The following ENOX1 variants were observed in gnomAD, a reference collection of about 807,000 sequenced individuals.
ENOX1 encodes ecto-NOX disulfide-thiol exchanger 1.
ENOX1 carries 42 observed loss-of-function variants against 82.5 expected under a neutral mutation model. The observed-to-expected ratio is 0.51, with a 90% CI of 0.40 to 0.66. ENOX1 has a LOEUF of 0.66. ENOX1 is among the 30% of genes least tolerant of loss of function. The pLI is 0.00. For missense variants in ENOX1, 608 were observed against 811.6 expected (o/e 0.75, Z 3.05); for synonymous variants, 271 against 282.2 (o/e 0.96, Z 0.40).
At chr13:43,442,452 G>C (rs1242641040) in intron 3 of ENOX1, among the ~76,000 whole-genome samples, 1 of 152,136 alleles carries the variant, frequency 6.6e-6, no homozygotes, top group Non-Finnish European at 1.5e-5. Context: ...CTGGGAGATA[G>C]GGCAAGAGGC....
At chr13:43,766,178 A>G (rs1234008884) in intron 1 of ENOX1, among the ~76,000 whole-genome samples, 1 of 152,178 alleles carries the variant, frequency 6.6e-6, no homozygotes, top group Non-Finnish European at 1.5e-5. Context: ...AACATTCTAA[A>G]AGCAAAATTG....
intron 3 of ENOX1, among the ~76,000 whole-genome samples, chr13:43,464,419 C>T: frequency 6.6e-6 from 1 of 151,942 alleles, no homozygotes; most frequent in East Asian, 1.9e-4. Context: ...TGACAGAGAA[C>T]CCTGGGGACC....
At chr13:43,745,206 C>T (rs551120695) in intron 1 of ENOX1, among the ~76,000 whole-genome samples, 5 of 152,048 alleles carry the variant, frequency 3.3e-5, no homozygotes, top group East Asian at 3.9e-4. Context: ...CATCATGAGA[C>T]GGAACAGAAA....
At chr13:43,552,007 T>A (rs781514715) in intron 2 of ENOX1, among the ~76,000 whole-genome samples, 3 of 152,190 alleles carry the variant, frequency 2.0e-5, no homozygotes, top group Non-Finnish European at 4.4e-5. Flanking sequence ...TGACCTGGTC[T>A]CTACCTGATA....
intron 2 of ENOX1, among the ~76,000 whole-genome samples, chr13:43,590,557 G>A (rs1159677850): frequency 6.6e-6 from 1 of 152,018 alleles, no homozygotes; most frequent in Non-Finnish European, 1.5e-5. Flanking sequence ...GGCAGATCAG[G>A]AGGTCAGGAG....
At chr13:43,704,642 G>A (rs1420236230) in intron 1 of ENOX1, among the ~76,000 whole-genome samples, 6 of 152,132 alleles carry the variant, frequency 3.9e-5, no homozygotes, top group Admixed American at 2.6e-4. Flanking sequence ...GATCCACAAC[G>A]AAGAAATGCG....
intron 12 of ENOX1, among the ~76,000 whole-genome samples, chr13:43,272,800 T>A (rs1388548088): frequency 1.3e-5 from 2 of 152,192 alleles, no homozygotes; most frequent in African/African-American, 2.4e-5. Flanking sequence ...GTAATTATTC[T>A]AATGTGTAAC....
Position 43,356,234 on chromosome 13 carries a change from C to G in ENOX1, c.590-82G>C, listed in dbSNP as rs2050148849. 6.0e-6 allele frequency: 7 copies of G among 1,169,546 alleles called. No homozygotes were observed. The Admixed American group carries it at 1.6e-4, about 26-fold the overall frequency. 72.4% of individuals were successfully genotyped at this position (1,169,546 alleles called of 1,614,324 possible). ...TCCAGACCTTCAAGGCACGCTTAGG[C>G]AAATGCTCACTTATTTCTTGGCTGT... is the stretch of plus-strand genomic sequence containing the variant. On this transcript the variant is annotated intron_variant, in intron 7 of 16. Coordinates refer to ENST00000690772, the MANE Select transcript of ENOX1 (RefSeq NM_001347969.2).
intron 2 of ENOX1, among the ~76,000 whole-genome samples, chr13:43,666,515 C>T (rs2084987578): frequency 6.6e-6 from 1 of 151,982 alleles, no homozygotes; most frequent in African/African-American, 2.4e-5. Flanking sequence ...AGGGAGAATG[C>T]CATCTATAAG....
chr13:43,663,099 C>T (rs2084813819), intron 2 of ENOX1, among the ~76,000 whole-genome samples: 1 of 152,120 alleles, frequency 6.6e-6, no homozygotes. Context: ...TTAAAGAGAG[C>T]TTGACTTCCC....
At chr13:43,587,724 C>T (rs1004494577) in intron 2 of ENOX1, among the ~76,000 whole-genome samples, 3 of 152,172 alleles carry the variant, frequency 2.0e-5, no homozygotes, top group African/African-American at 7.2e-5. Flanking sequence ...GAAATCAGAG[C>T]TTCTGAAAAT....
rs2042762353 is a variant in ENOX1, at chr13:43,240,415, CAAGTG to C, written c.1612-3682_1612-3678del. ...TGTAGATTTTATCTGGGAGGCTTAACAAGTGAAGAGTTTTCAGTTCTGCATTTTAG... is the reference window on the plus strand; with the variant it reads ...TGTAGATTTTATCTGGGAGGCTTAACAAGAGTTTTCAGTTCTGCATTTTAG... On this transcript the variant is annotated intron_variant, in intron 14 of 16. Coordinates refer to ENST00000690772, the MANE Select transcript of ENOX1 (RefSeq NM_001347969.2). Among the ~76,000 whole-genome samples, 3 of 151,598 alleles carry C rather than the reference CAAGTG, an allele frequency of 2.0e-5. No individual in the cohort carries two copies. The South Asian group carries it at 6.2e-4, about 32-fold the overall frequency.
intron 12 of ENOX1, among the ~76,000 whole-genome samples, chr13:43,276,031 A>G (rs2045008118): frequency 6.6e-6 from 1 of 152,196 alleles, no homozygotes; most frequent in Admixed American, 6.5e-5. Flanking sequence ...AACCCACAGA[A>G]TGTTATCAAT....
intron 5 of ENOX1, among the ~76,000 whole-genome samples, chr13:43,363,581 G>T (rs1251128390): frequency 6.6e-6 from 1 of 152,184 alleles, no homozygotes; most frequent in Non-Finnish European, 1.5e-5. Flanking sequence ...TGGCATGCTT[G>T]TGCTTTTATT....
chr13:43,616,112 C>A (rs1272158135), intron 2 of ENOX1, among the ~76,000 whole-genome samples: 11 of 50,106 alleles, frequency 2.2e-4, no homozygotes, highest in South Asian at 2.0e-3. Context: ...AGATAGATAT[C>A]TATAGATCTA....
At chr13:43,421,414 C>T (rs2054967528) in intron 3 of ENOX1, among the ~76,000 whole-genome samples, 1 of 152,148 alleles carries the variant, frequency 6.6e-6, no homozygotes, top group African/African-American at 2.4e-5. Flanking sequence ...GAAACCATAA[C>T]CCCATCACAA....
chr13:43,653,804 T>C lies in ENOX1; in HGVS notation c.-219+13675A>G, dbSNP rs539578550. Among the ~76,000 whole-genome samples the C allele has an allele frequency of 2.6e-5, 4 of 152,280 alleles. No homozygotes were observed. The South Asian group carries it at 8.3e-4, about 32-fold the overall frequency. On this transcript the variant is annotated intron_variant, in intron 2 of 16. Coordinates refer to ENST00000690772, the MANE Select transcript of ENOX1 (RefSeq NM_001347969.2). The stretch of plus-strand genomic sequence containing the variant: ...AAGAAGACAAGACCATTTGGCACCA[T>C]GTGGGACAGGGATAAGGTGCTAACA...
chr13:43,430,289 T>A (rs1323164), intron 3 of ENOX1, among the ~76,000 whole-genome samples: 147,497 of 152,272 alleles, frequency 0.97, 71,610 homozygotes, highest in East Asian at 1. Flanking sequence ...CTACTAGTAA[T>A]CAACAAACTT....
intron 8 of ENOX1, among the ~76,000 whole-genome samples, chr13:43,348,810 C>T (rs2049567147): frequency 6.6e-6 from 1 of 152,026 alleles, no homozygotes; most frequent in Non-Finnish European, 1.5e-5. Flanking sequence ...TTTGGAAATG[C>T]CAAAGAAAAG....
Sources: gnomAD v4.1 joint callset for allele counts (sites outside exome capture counted in the v4.1 genomes callset) on GRCh38, gnomAD v4.1.1 for gene constraint, MANE v1.5 for transcripts, NCBI Gene and HGNC (gene_info 2026-07-23, HGNC 2026-07-21) for gene names.